Variants in POLR1B observed in about 807,000 individuals in gnomAD.
POLR1B encodes the protein DNA-directed RNA polymerase I subunit RPA2.
POLR1B carries 30 observed loss-of-function variants against 105.8 expected under a neutral mutation model. The observed-to-expected ratio is 0.28, with a 90% confidence interval of 0.21 to 0.38. The LOEUF (loss-of-function observed/expected upper bound fraction) is 0.38, where lower values mean the gene tolerates loss of function less well. Among genes scored for constraint, POLR1B ranks in the 10% least tolerant of loss-of-function variants. POLR1B has a pLI of 1.00. For synonymous variants in POLR1B, 485 were observed against 505.1 expected (o/e 0.96, Z 0.53); for missense variants, 976 against 1,435.8 (o/e 0.68, Z 5.17).
chr2:112,551,733 T>C, intron 5 of POLR1B, 42 bp from the exon 6 acceptor site: 1 of 1,463,148 alleles, frequency 6.8e-7, no homozygotes, highest in Non-Finnish European at 9.4e-7. Flanking sequence ...TAAAGTATTT[T>C]AGTTATTAGT....
In POLR1B at chr2:112,547,194, T is replaced by C. The variant is rs1385463940; in HGVS notation, c.345+15T>C. The C allele has an allele frequency of 6.2e-7, 1 of 1,613,372 alleles. No homozygotes were observed. The highest frequency in any genetic ancestry group is 8.5e-7 in the Non-Finnish European group (1 of 1,179,522). On this transcript the variant is annotated intron_variant, in intron 2 of 14. Coordinates refer to ENST00000263331, the MANE Select transcript of POLR1B (RefSeq NM_019014.6). ...GGAAGTTGACAGTGAGTACTAGTGA[T>C]ACTGTGTGACTCTCAACACTGCACA...
intron 4 of POLR1B, 139 bp from the exon 5 acceptor site, chr2:112,550,727 T>G: frequency 1.2e-6 from 1 of 823,730 alleles, no homozygotes; most frequent in Non-Finnish European, 1.9e-6. Context: ...TTTAGAAACA[T>G]TTTTGATTGC....
intron 4 of POLR1B, among the ~76,000 whole-genome samples, chr2:112,549,764 C>T (rs575754701): frequency 4.1e-4 from 63 of 152,216 alleles, no homozygotes; most frequent in Admixed American, 6.5e-4. Context: ...TGAATAAGTT[C>T]TGGGGATCTG....
chr2:112,561,707 G>A (rs1000690804), intron 9 of POLR1B, among the ~76,000 whole-genome samples: 1 of 152,178 alleles, frequency 6.6e-6, no homozygotes, highest in Non-Finnish European at 1.5e-5. Flanking sequence ...TCAGCCAACA[G>A]CAGTGTAATT....
At chr2:112,542,822 G>A (rs1682832863) in intron 1 of POLR1B, 151 bp downstream of exon 1, 2 of 911,998 alleles carry the variant, frequency 2.2e-6, no homozygotes, top group Non-Finnish European at 3.2e-6. Flanking sequence ...TAAACAGGAC[G>A]CGGTACTGGC....
chr2:112,555,931 C>A (rs1683635952), intron 7 of POLR1B, among the ~76,000 whole-genome samples: 1 of 152,080 alleles, frequency 6.6e-6, no homozygotes, highest in Admixed American at 6.5e-5. Flanking sequence ...AAAATAGCAA[C>A]CATATTTTCT....
Position 112,562,780 on chromosome 2 carries a change from C to T in POLR1B, c.1613-1586C>T, listed in dbSNP as rs573714911. Among the ~76,000 whole-genome samples, 12 of 142,692 alleles carry T rather than the reference C, an allele frequency of 8.4e-5. No homozygotes were observed. In the East Asian group the frequency reaches 2.4e-3, roughly 29 times the overall value. 93.6% of individuals were successfully genotyped at this position (142,692 alleles called of 152,430 possible). A position where few individuals can be genotyped will look rare whatever the true frequency, so the allele number is the denominator to read the frequency against. On this transcript the variant is annotated intron_variant, in intron 9 of 14. Transcript: ENST00000263331. ...TTTCGCTCTTGCCCAGGCTGGAGTGCAGTGGCGCGATCTCGGCTCACCGCA... is the reference window on the plus strand; with the variant it reads ...TTTCGCTCTTGCCCAGGCTGGAGTGTAGTGGCGCGATCTCGGCTCACCGCA...
Position 112,576,443 on chromosome 2 carries a change from A to G in POLR1B, c.*714A>G, listed in dbSNP as rs1192007300. On this transcript the variant is annotated 3_prime_UTR_variant, in exon 15 of 15. Coordinates refer to ENST00000263331, the MANE Select transcript of POLR1B (RefSeq NM_019014.6). The stretch of plus-strand genomic sequence containing the variant: ...TATAGTATTGTTAATTCCAGGCACC[A>G]TGTTGTACAACAGATCTTTAGACCT... The G allele has an allele frequency of 1.3e-5, 2 of 152,216 alleles. No individual in the cohort carries two copies. The highest frequency in any genetic ancestry group is 2.9e-5 in the Non-Finnish European group (2 of 68,058). 9.4% of individuals were successfully genotyped at this position (152,216 alleles called of 1,614,324 possible). A position where few individuals can be genotyped will look rare whatever the true frequency, so the allele number is the denominator to read the frequency against.
At chr2:112,559,062 T>G (rs1292639758) in intron 8 of POLR1B, among the ~76,000 whole-genome samples, 2 of 152,014 alleles carry the variant, frequency 1.3e-5, no homozygotes, top group African/African-American at 4.8e-5. Context: ...ACAAAGGAGG[T>G]CATAGAGGAG....
intron 13 of POLR1B, 130 bp from the exon 14 acceptor site, chr2:112,573,432 G>A: frequency 8.1e-7 from 1 of 1,238,160 alleles, no homozygotes. Flanking sequence ...TAGTATCAGT[G>A]ATTTGGAAAA....
chr2:112,552,241 C>G (rs2104522430), intron 6 of POLR1B, among the ~76,000 whole-genome samples: 1 of 152,288 alleles, frequency 6.6e-6, no homozygotes, highest in South Asian at 2.1e-4. Flanking sequence ...TTTCAGACTT[C>G]CAGAATAATG....
intron 10 of POLR1B, among the ~76,000 whole-genome samples, chr2:112,567,015 G>T (rs1684317989): frequency 1.3e-5 from 2 of 152,144 alleles, no homozygotes; most frequent in African/African-American, 4.8e-5. Context: ...TTTTTATAGA[G>T]AATTTATTTT....
At position 112,579,208 on chromosome 2, in the gene POLR1B, C is replaced by CAAAAAAAAAAAAAAAAAA. The variant is rs56190123; in HGVS notation, c.*3494_*3511dup. 5.1e-5 allele frequency among the ~76,000 whole-genome samples: 3 copies of CAAAAAAAAAAAAAAAAAA among 58,664 alleles called. No individual in the cohort carries two copies. The highest frequency in any genetic ancestry group is 7.1e-5 in the African/African-American group (1 of 14,074). 38.5% of individuals were successfully genotyped at this position (58,664 alleles called of 152,430 possible). A position where few individuals can be genotyped will look rare whatever the true frequency, so the allele number is the denominator to read the frequency against. ...GGGCAACAGAGCAAGACTAGAGTCT[C>CAAAAAAAAAAAAAAAAAA]AAAAAAAAAAAAAAAAAAAAAAAAA... On this transcript the variant is annotated 3_prime_UTR_variant, in exon 15 of 15. Transcript: ENST00000263331.
chr2:112,573,738 A>G lies in POLR1B; in HGVS notation c.2448A>G (p.Gly816=). Residue 816 remains glycine (G), a synonymous_variant, in exon 14 of 15, where the codon GGA becomes GGG. Coordinates refer to ENST00000263331, the MANE Select transcript of POLR1B (RefSeq NM_019014.6). Reference sequence around the variant, plus strand: ...ATGACGATGGATTGCCGTTTATAGGAGCAAAACTGCAGTACGGAGATCCGT... The same window carrying G: ...ATGACGATGGATTGCCGTTTATAGGGGCAAAACTGCAGTACGGAGATCCGT... The part of the protein sequence containing the change: ...KLDDDGLPFI[G]AKLQYGDPYY... 6.2e-7 allele frequency: 1 copy of G among 1,614,210 alleles called. No homozygotes were observed. Among genetic ancestry groups the G allele is most frequent in the Non-Finnish European group, 8.5e-7 (1 of 1,180,046 alleles).
intron 1 of POLR1B, among the ~76,000 whole-genome samples, chr2:112,546,449 A>G (rs1321469178): frequency 6.6e-6 from 1 of 151,066 alleles, no homozygotes; most frequent in African/African-American, 2.4e-5. Flanking sequence ...AGCCTACTAC[A>G]GTCTCTGACA....
At position 112,575,809 on chromosome 2, in the gene POLR1B, C is replaced by A; in HGVS notation, c.*80C>A. 2 of 1,442,764 alleles carry A rather than the reference C, an allele frequency of 1.4e-6. No homozygotes were observed. Among genetic ancestry groups the A allele is most frequent in the Non-Finnish European group, 1.9e-6 (2 of 1,069,642 alleles). The allele number at this position is 1,442,764 out of a possible 1,614,324, so 89.4% of individuals were successfully genotyped here. ...TTTAATTCAATGAAGATATCATTAC[C>A]AGGTTACTCTTGAGATTTTTCAACG... is the stretch of plus-strand genomic sequence containing the variant. On this transcript the variant is annotated 3_prime_UTR_variant, in exon 15 of 15. Transcript: ENST00000263331. This position sits in a 1 kb window ranked among gnomAD's most constrained non-coding sequence, Gnocchi z 5.3.
chr2:112,547,767 G>A (rs1327123883), intron 3 of POLR1B, among the ~76,000 whole-genome samples, 200 bp downstream of exon 3: 1 of 151,992 alleles, frequency 6.6e-6, no homozygotes, highest in African/African-American at 2.4e-5. Flanking sequence ...TAAAATTAGA[G>A]AATATTATTG....
chr2:112,560,309 G>T (rs1201407365), intron 9 of POLR1B, among the ~76,000 whole-genome samples: 1 of 152,110 alleles, frequency 6.6e-6, no homozygotes, highest in Non-Finnish European at 1.5e-5. Flanking sequence ...ATTAATATTG[G>T]AAGTATAGAA....
intron 1 of POLR1B, among the ~76,000 whole-genome samples, chr2:112,543,290 G>T (rs1001587579): frequency 6.6e-6 from 1 of 152,200 alleles, no homozygotes; most frequent in Admixed American, 6.5e-5. Context: ...CAGGCACTAG[G>T]CTCAGAGGAT....
Sources: allele counts gnomAD v4.1 joint callset (sites outside exome capture counted in the v4.1 genomes callset), GRCh38; gene constraint gnomAD v4.1.1; non-coding constraint Gnocchi (gnomAD v3.1); transcripts MANE v1.5; gene names NCBI Gene and HGNC (gene_info 2026-07-23, HGNC 2026-07-21).